The following PHF21B variants were observed in gnomAD, a reference collection of about 807,000 sequenced individuals.
PHF21B encodes PHD finger protein 4.
A neutral mutation model predicts 62.2 loss-of-function variants in PHF21B; 22 were observed. The ratio of observed to expected loss-of-function variants is 0.35; its 90% CI spans 0.25 to 0.51. PHF21B has a LOEUF of 0.51. Among genes scored for constraint, PHF21B ranks in the 20% least tolerant of loss-of-function variants. The pLI is 0.97. For synonymous variants in PHF21B, 341 were observed against 314.7 expected, an observed-to-expected ratio of 1.08 and a Z score of -0.88; for missense variants, 701 against 707.9, an observed-to-expected ratio of 0.99 and a Z score of 0.11.
intron 8 of PHF21B, 88 bp from the exon 9 acceptor site, chr22:44,889,870 A>G: frequency 7.4e-7 from 1 of 1,358,134 alleles, no homozygotes; most frequent in East Asian, 2.8e-5. Context: ...CTCATGTGGC[A>G]AGGGCTCTTA....
intron 2 of PHF21B, among the ~76,000 whole-genome samples, chr22:44,961,227 T>C (rs1053233808): frequency 6.6e-6 from 1 of 152,096 alleles, no homozygotes; most frequent in Non-Finnish European, 1.5e-5. Context: ...AGTGCTGGGA[T>C]TACAGGCATG....
chr22:44,972,036 G>A (rs2072648722), intron 2 of PHF21B, among the ~76,000 whole-genome samples: 1 of 152,220 alleles, frequency 6.6e-6, no homozygotes, highest in Non-Finnish European at 1.5e-5. Flanking sequence ...CATACCGGCT[G>A]CACTGAATGC....
At chr22:44,981,799 C>T (rs763644843) in intron 2 of PHF21B, among the ~76,000 whole-genome samples, 8 of 152,196 alleles carry the variant, frequency 5.3e-5, no homozygotes, top group African/African-American at 1.9e-4. Flanking sequence ...CAAGGACACG[C>T]TGGGATGACT....
chr22:44,961,137 A>G (rs568382489), intron 2 of PHF21B, among the ~76,000 whole-genome samples: 261 of 151,500 alleles, frequency 1.7e-3, no homozygotes, highest in Admixed American at 9.2e-3. Flanking sequence ...TTGTATTTTT[A>G]GTAGAGATGG....
intron 3 of PHF21B, 82 bp from the exon 4 acceptor site, chr22:44,916,712 C>A (rs2071442252): frequency 2.4e-6 from 3 of 1,271,986 alleles, no homozygotes; most frequent in Admixed American, 3.7e-5. Context: ...TCGGAGACTT[C>A]CTATATTCAA....
At position 44,963,333 on chromosome 22, in the gene PHF21B, G is replaced by A. The variant is rs566262981; in HGVS notation, c.121-42843C>T. Among the ~76,000 whole-genome samples the A allele has an allele frequency of 1.4e-4, 21 of 152,386 alleles. No individual in the cohort carries two copies. The South Asian group carries it at 4.4e-3, about 32-fold the overall frequency. On this transcript the variant is annotated intron_variant, in intron 2 of 12. Coordinates refer to ENST00000313237, the MANE Select transcript of PHF21B (RefSeq NM_138415.5). ...CGCAAGACAGCACACTGGTTAGGGA[G>A]GATGACCCACCATGCTGAACTGTGT...
chr22:45,001,622 G>C (rs961616504), intron 2 of PHF21B, among the ~76,000 whole-genome samples: 4 of 152,230 alleles, frequency 2.6e-5, no homozygotes, highest in Non-Finnish European at 5.9e-5. Context: ...AAGCCTTATA[G>C]AGTGAGATGT....
At chr22:44,956,519 C>T (rs1458025762) in intron 2 of PHF21B, among the ~76,000 whole-genome samples, 1 of 152,196 alleles carries the variant, frequency 6.6e-6, no homozygotes, top group East Asian at 1.9e-4. Flanking sequence ...TTGCAGGTGG[C>T]AATTTAGCCC....
At chr22:44,991,211 C>A (rs2073037804) in intron 2 of PHF21B, among the ~76,000 whole-genome samples, 1 of 152,204 alleles carries the variant, frequency 6.6e-6, no homozygotes, top group South Asian at 2.1e-4. Context: ...AGGAAACCCT[C>A]CTTGAGAAGG....
intron 2 of PHF21B, among the ~76,000 whole-genome samples, chr22:44,992,095 G>A (rs560385862): frequency 7.9e-5 from 12 of 152,338 alleles, no homozygotes; most frequent in African/African-American, 2.6e-4. Flanking sequence ...TGCCTCAAGG[G>A]CAGACTGTTC....
At chr22:44,961,026 G>A (rs538509714) in intron 2 of PHF21B, among the ~76,000 whole-genome samples, 28 of 140,782 alleles carry the variant, frequency 2.0e-4, no homozygotes, top group African/African-American at 5.8e-4. Flanking sequence ...GCGCGATCTC[G>A]GCTCACTGCA....
chr22:44,993,762 T>C (rs1404375190), intron 2 of PHF21B, among the ~76,000 whole-genome samples: 3 of 152,172 alleles, frequency 2.0e-5, no homozygotes, highest in African/African-American at 7.2e-5. Flanking sequence ...CATCCCTATT[T>C]AGGTCGGCTG....
chr22:44,936,594 A>G (rs2071852498), intron 2 of PHF21B, among the ~76,000 whole-genome samples: 1 of 152,246 alleles, frequency 6.6e-6, no homozygotes, highest in Admixed American at 6.5e-5. Context: ...GGGACCTTGA[A>G]GACTCATGAA....
chr22:44,894,169 C>CA (rs2071017074), intron 6 of PHF21B, among the ~76,000 whole-genome samples: 1 of 152,212 alleles, frequency 6.6e-6, no homozygotes, highest in Admixed American at 6.5e-5. Context: ...CAATATTACT[C>CA]AGCCTGTTTT....
In PHF21B at chr22:44,883,007, T is replaced by G. The variant is rs2070765074; in HGVS notation, c.*79A>C. 4 of 1,437,452 alleles carry G rather than the reference T, an allele frequency of 2.8e-6. No homozygotes were observed. The highest frequency in any genetic ancestry group is 3.7e-6 in the Non-Finnish European group (4 of 1,068,748). 89.0% of individuals were successfully genotyped at this position (1,437,452 alleles called of 1,614,324 possible). ...GTCTGAAATTCATAGTGTTTATGAA[T>G]TAAGGCCGACAGAACCCCCAGGCTG... On this transcript the variant is annotated 3_prime_UTR_variant, in exon 13 of 13. Transcript: ENST00000313237.
chr22:44,953,514 C>G (rs551145853), intron 2 of PHF21B, among the ~76,000 whole-genome samples: 3 of 152,106 alleles, frequency 2.0e-5, no homozygotes, highest in Non-Finnish European at 2.9e-5. Flanking sequence ...GCAACACCAT[C>G]TCTGCTTGCA....
intron 2 of PHF21B, among the ~76,000 whole-genome samples, chr22:44,952,583 A>T (rs1341523763): frequency 6.6e-6 from 1 of 152,242 alleles, no homozygotes; most frequent in Non-Finnish European, 1.5e-5. Context: ...GATGGGAATT[A>T]CATCTAATCA....
At chr22:44,888,505 G>C (rs1009921590) in intron 9 of PHF21B, among the ~76,000 whole-genome samples, 1 of 152,180 alleles carries the variant, frequency 6.6e-6, no homozygotes, top group African/African-American at 2.4e-5. Context: ...TTGCACCAGA[G>C]GTCCATGTGC....
intron 2 of PHF21B, among the ~76,000 whole-genome samples, chr22:44,921,850 G>A (rs2071544154): frequency 6.6e-6 from 1 of 152,020 alleles, no homozygotes; most frequent in Non-Finnish European, 1.5e-5. Flanking sequence ...GTAGAGATGG[G>A]GTTTCATTAT....
Sources: allele counts gnomAD v4.1 joint callset (sites outside exome capture counted in the v4.1 genomes callset), GRCh38; gene constraint gnomAD v4.1.1; transcripts MANE v1.5; gene names NCBI Gene and HGNC (gene_info 2026-07-23, HGNC 2026-07-21).